The following ZNF44 variants were observed in gnomAD, a reference collection of about 807,000 sequenced individuals.
ZNF44 encodes the protein gonadotropin inducible transcription repressor-2.
A neutral mutation model predicts 11.7 loss-of-function variants in ZNF44; 9 were observed. The observed-to-expected ratio is 0.77, with a 90% CI of 0.46 to 1.35. ZNF44 has a LOEUF of 1.35. ZNF44 is among the 40% of genes most tolerant of loss of function. The pLI is 0.00. For synonymous variants in ZNF44, 224 were observed against 242.7 expected (o/e 0.92, Z 0.72); for missense variants, 696 against 743.1 (o/e 0.94, Z 0.74).
At chr19:12,248,734 T>C (rs893057517) in intron 7 of ZNF44, 1 of 995,536 alleles carries the variant, frequency 1.0e-6, no homozygotes, top group Non-Finnish European at 1.3e-6. Flanking sequence ...TTCTCTTTAT[T>C]AACTGATACT....
intron 5 of ZNF44, among the ~76,000 whole-genome samples, chr19:12,255,156 G>A (rs1030328318): frequency 1.3e-5 from 2 of 149,240 alleles, no homozygotes; most frequent in Admixed American, 6.6e-5. Context: ...CACAGCAAAA[G>A]TATATACATA....
downstream of ZNF44, chr19:12,242,737 A>G (rs1392755956): frequency 6.6e-6 from 1 of 151,492 alleles, no homozygotes; most frequent in African/African-American, 2.4e-5. Flanking sequence ...CTGTAGTCCC[A>G]GCTATTCAGG....
chr19:12,247,580 G>C, downstream of ZNF44: 10 of 1,338,072 alleles, frequency 7.5e-6, no homozygotes, highest in Non-Finnish European at 9.9e-6. Flanking sequence ...CAAGAGTAAT[G>C]TATGTTTTCC....
At chr19:12,239,397 A>C (rs1599489255), upstream of ZNF44, among the ~76,000 whole-genome samples, 1 of 144,028 alleles carries the variant, frequency 6.9e-6, no homozygotes, top group African/African-American at 2.6e-5. Context: ...TACGGGAGTG[A>C]GCGACTGCAC....
intron 2 of ZNF44, 133 bp downstream of exon 2, chr19:12,275,823 G>A: frequency 8.5e-7 from 1 of 1,180,216 alleles, no homozygotes; most frequent in Non-Finnish European, 1.2e-6. Context: ...ACAGGTTGGG[G>A]CCTGGCACTT....
downstream of ZNF44, chr19:12,224,711 T>C (rs1239874103): frequency 1.3e-5 from 2 of 152,194 alleles, no homozygotes; most frequent in East Asian, 1.9e-4. Context: ...AGGTTTATTA[T>C]AGAAAAGACC....
At chr19:12,291,507 G>A (rs942726196) in intron 1 of ZNF44, among the ~76,000 whole-genome samples, 11 of 152,180 alleles carry the variant, frequency 7.2e-5, no homozygotes, top group Admixed American at 7.2e-4. Context: ...GCTCCAGCCT[G>A]GGCGACACGG....
At chr19:12,279,997 C>CA (rs933315884) in intron 1 of ZNF44, among the ~76,000 whole-genome samples, 42 of 151,126 alleles carry the variant, frequency 2.8e-4, no homozygotes, top group Admixed American at 6.6e-4. Flanking sequence ...AATGAAGGCA[C>CA]AAAAAATTCT....
intron 3 of ZNF44, among the ~76,000 whole-genome samples, chr19:12,228,902 G>A (rs1317168420): frequency 2.6e-5 from 4 of 152,066 alleles, no homozygotes; most frequent in African/African-American, 7.2e-5. Flanking sequence ...AGTTTTGTTT[G>A]TTTTGATACC....
At chr19:12,256,037 CAAAAAAAAAAAA>C (rs74180061) in intron 5 of ZNF44, among the ~76,000 whole-genome samples, 2 of 39,678 alleles carry the variant, frequency 5.0e-5, no homozygotes, top group East Asian at 1.2e-3. Context: ...AACTCTGTCT[CAAAAAAAAAAAA>C]AAAAAAAAAA....
exon 1 of ZNF44, chr19:12,237,469 G>C (rs1916436091): frequency 5.9e-6 from 1 of 168,388 alleles, no homozygotes; most frequent in Non-Finnish European, 1.3e-5. Flanking sequence ...CGGCTCCCAG[G>C]TGTCCCGGGT....
At chr19:12,277,220 C>A (rs1200256469) in intron 1 of ZNF44, among the ~76,000 whole-genome samples, 1 of 152,110 alleles carries the variant, frequency 6.6e-6, no homozygotes, top group Non-Finnish European at 1.5e-5. Flanking sequence ...CGTGATTACA[C>A]AGAGAGAATA....
At chr19:12,293,473 T>C (rs769831231) in intron 1 of ZNF44, 32 of 1,247,648 alleles carry the variant, frequency 2.6e-5, no homozygotes, top group Non-Finnish European at 3.3e-5. Context: ...GCACAAAGGT[T>C]TGGTTTTTTT....
chr19:12,274,910 A>G, intron 3 of ZNF44, 63 bp downstream of exon 3: 3 of 1,290,836 alleles, frequency 2.3e-6, no homozygotes, highest in Non-Finnish European at 3.2e-6. Flanking sequence ...TTCTTTTTAA[A>G]AGTTCTTGTC....
chr19:12,286,902 G>T (rs1967782156), intron 1 of ZNF44, among the ~76,000 whole-genome samples: 1 of 151,822 alleles, frequency 6.6e-6, no homozygotes, highest in South Asian at 2.1e-4. Context: ...TCCAGCCTGG[G>T]CAATAGAGTA....
chr19:12,271,234 A>G (rs1385075339), downstream of ZNF44, among the ~76,000 whole-genome samples: 2 of 152,238 alleles, frequency 1.3e-5, no homozygotes, highest in South Asian at 2.1e-4. Flanking sequence ...TCTGTGTCAT[A>G]TAAGGGAAAA....
At chr19:12,293,863 G>C (rs772835420) in intron 1 of ZNF44, among the ~76,000 whole-genome samples, 6 of 152,064 alleles carry the variant, frequency 3.9e-5, no homozygotes, top group African/African-American at 7.2e-5. Context: ...CCACACACGA[G>C]TCTGGTTTGT....
rs182492723 is a variant in ZNF44, at chr19:12,281,569, G to A, written c.4-5487C>T. ...AAATCAAACAGAGGAAAGTAACGAT[G>A]AGAAGAGATATTAATGAAATAGCAA... On this transcript the variant is annotated intron_variant, in intron 1 of 3. Transcript: ENST00000355684. 2.0e-3 allele frequency among the ~76,000 whole-genome samples: 306 copies of A among 152,242 alleles called. 5 individuals carry two copies. Among genetic ancestry groups the A allele is most frequent in the Admixed American group, 0.017 (259 of 15,268 alleles).
At chr19:12,260,160 A>T in intron 5 of ZNF44, 1 of 761,982 alleles carries the variant, frequency 1.3e-6, no homozygotes, top group Non-Finnish European at 2.4e-6. Context: ...GTCGTGCAGA[A>T]CTGCTCCAGT....
Sources: gnomAD v4.1 joint callset for allele counts (sites outside exome capture counted in the v4.1 genomes callset) on GRCh38, gnomAD v4.1.1 for gene constraint, MANE v1.5 for transcripts, NCBI Gene and HGNC (gene_info 2026-07-23, HGNC 2026-07-21) for gene names.